SORCS2: variants seen among roughly 807,000 people sequenced by gnomAD.
SORCS2 encodes the protein VPS10 domain-containing receptor SorCS2.
SORCS2 carries 100 observed loss-of-function variants against 141.6 expected under a neutral mutation model. That is an observed-to-expected ratio of 0.71 (90% CI 0.60 to 0.83). The LOEUF (loss-of-function observed/expected upper bound fraction) is 0.83, where lower values mean the gene tolerates loss of function less well. Ranked by LOEUF, SORCS2 falls within the 40% of genes least tolerant of loss-of-function variation. The pLI is 0.00. For synonymous variants in SORCS2, 789 were observed against 676.9 expected, an observed-to-expected ratio of 1.17 and a Z score of -2.57; for missense variants, 1,646 against 1,560.2, an observed-to-expected ratio of 1.05 and a Z score of -0.93.
chr4:7,705,590 C>G (rs932943889), intron 14 of SORCS2, among the ~76,000 whole-genome samples: 1 of 152,354 alleles, frequency 6.6e-6, no homozygotes, highest in East Asian at 1.9e-4. Context: ...GGGCACTGTG[C>G]CCCTCACCCT....
chr4:7,316,569 C>G (rs560374788), intron 1 of SORCS2, among the ~76,000 whole-genome samples: 1 of 152,326 alleles, frequency 6.6e-6, no homozygotes, highest in East Asian at 1.9e-4. Flanking sequence ...GACAAGTTAT[C>G]TGACCTTCCC....
At chr4:7,662,215 T>TCCCCACCCTCCCCCCCCTC (rs1441054153) in intron 6 of SORCS2, among the ~76,000 whole-genome samples, 8 of 128,098 alleles carry the variant, frequency 6.2e-5, no homozygotes, top group African/African-American at 2.4e-4. Context: ...TAGGTGTGGC[T>TCCCCACCCTCCCCCCCCTC]CCCCACCCTC....
intron 2 of SORCS2, among the ~76,000 whole-genome samples, chr4:7,399,095 C>G (rs982041079): frequency 6.6e-6 from 1 of 152,122 alleles, no homozygotes; most frequent in Non-Finnish European, 1.5e-5. Context: ...TAAGGAGGAA[C>G]AGTTTTCTGT....
chr4:7,424,918 T>A (rs574977523), intron 2 of SORCS2, among the ~76,000 whole-genome samples: 1 of 152,192 alleles, frequency 6.6e-6, no homozygotes, highest in African/African-American at 2.4e-5. Flanking sequence ...GGGCAGGCAC[T>A]CTGCTCCCAG....
intron 3 of SORCS2, among the ~76,000 whole-genome samples, chr4:7,620,435 G>C (rs1043098710): frequency 6.6e-6 from 1 of 152,188 alleles, no homozygotes; most frequent in African/African-American, 2.4e-5. Flanking sequence ...TACAGCCCTG[G>C]CCATTCACCC....
chr4:7,652,983 C>A (rs1225358136), intron 4 of SORCS2, among the ~76,000 whole-genome samples: 2 of 152,098 alleles, frequency 1.3e-5, no homozygotes, highest in East Asian at 3.9e-4. Flanking sequence ...CCCTGGCCCA[C>A]AGGGACACCC....
chr4:7,270,201 C>G (rs761703543), intron 1 of SORCS2, among the ~76,000 whole-genome samples: 11 of 152,250 alleles, frequency 7.2e-5, no homozygotes, highest in Non-Finnish European at 1.5e-4. Flanking sequence ...AAATCTCATC[C>G]AGAGGCATAT....
chr4:7,382,099 T>C, intron 1 of SORCS2: 3 of 534,612 alleles, frequency 5.6e-6, no homozygotes, highest in Non-Finnish European at 7.2e-6. Context: ...AGAAGGACCT[T>C]GAAGGGTGGG....
chr4:7,338,198 G>T (rs1231727528), intron 1 of SORCS2, among the ~76,000 whole-genome samples: 1 of 151,104 alleles, frequency 6.6e-6, no homozygotes, highest in African/African-American at 2.4e-5. Flanking sequence ...ATGTTGGATG[G>T]ATGTTGGTTG....
intron 5 of SORCS2, among the ~76,000 whole-genome samples, chr4:7,654,676 A>G (rs1324512997): frequency 6.6e-6 from 1 of 152,044 alleles, no homozygotes; most frequent in Admixed American, 6.5e-5. Context: ...GGCCTGCCTC[A>G]GCCCTGCTCT....
intron 2 of SORCS2, among the ~76,000 whole-genome samples, chr4:7,397,366 C>A (rs1263052057): frequency 6.6e-6 from 1 of 152,092 alleles, no homozygotes; most frequent in Non-Finnish European, 1.5e-5. Flanking sequence ...GTCATCTGTG[C>A]TGCTAAATGA....
At chr4:7,505,569 G>C (rs997447925) in intron 2 of SORCS2, among the ~76,000 whole-genome samples, 4 of 152,164 alleles carry the variant, frequency 2.6e-5, no homozygotes, top group African/African-American at 7.2e-5. Flanking sequence ...GCATAATAGT[G>C]ATATTGATGC....
At chr4:7,311,445 G>A (rs1229800373) in intron 1 of SORCS2, among the ~76,000 whole-genome samples, 1 of 152,200 alleles carries the variant, frequency 6.6e-6, no homozygotes, top group Non-Finnish European at 1.5e-5. Context: ...GGAGTGGAAT[G>A]GCTGAATCAT....
rs377162338 is a variant in SORCS2 at position 7,733,433 on chromosome 4, G to A, written c.3208+12G>A. The A allele has an allele frequency of 6.4e-7, 1 of 1,569,616 alleles. No homozygotes were observed. Among genetic ancestry groups the A allele is most frequent in the Non-Finnish European group, 8.6e-7 (1 of 1,157,052 alleles). On this transcript the variant is annotated intron_variant, in intron 24 of 26. Transcript: ENST00000507866. Reference sequence around the variant, plus strand: ...GGACACAGGCACAGGTGAGCCACTGGGAGCTCCCCTGCGGAATGGGTGGAG... The same window carrying A: ...GGACACAGGCACAGGTGAGCCACTGAGAGCTCCCCTGCGGAATGGGTGGAG...
At chr4:7,417,169 G>C (rs1004439431) in intron 2 of SORCS2, among the ~76,000 whole-genome samples, 1 of 152,196 alleles carries the variant, frequency 6.6e-6, no homozygotes, top group African/African-American at 2.4e-5. Context: ...CCATAAACCT[G>C]TTTACAGGGC....
At chr4:7,481,672 T>C (rs993608565) in intron 2 of SORCS2, among the ~76,000 whole-genome samples, 3 of 151,832 alleles carry the variant, frequency 2.0e-5, no homozygotes, top group African/African-American at 4.8e-5. Flanking sequence ...CCTGGAGCCG[T>C]AGGGAAGGGT....
chr4:7,428,004 G>T (rs919653420), intron 2 of SORCS2, among the ~76,000 whole-genome samples: 2 of 152,136 alleles, frequency 1.3e-5, no homozygotes, highest in African/African-American at 4.8e-5. Flanking sequence ...CGCTCACCTG[G>T]GGTCTGCTCT....
intron 1 of SORCS2, among the ~76,000 whole-genome samples, chr4:7,309,095 G>A (rs1385454333): frequency 6.6e-6 from 1 of 152,198 alleles, no homozygotes; most frequent in Non-Finnish European, 1.5e-5. Context: ...AGGCGGGCTG[G>A]GAGCCCCTTG....
At chr4:7,256,555 G>C (rs1183199804) in intron 1 of SORCS2, among the ~76,000 whole-genome samples, 1 of 151,720 alleles carries the variant, frequency 6.6e-6, no homozygotes, top group Non-Finnish European at 1.5e-5. Context: ...CAAATGCAAA[G>C]GCCCTTGCTA....
Sources: gnomAD v4.1 joint callset for allele counts (sites outside exome capture counted in the v4.1 genomes callset) on GRCh38, gnomAD v4.1.1 for gene constraint, MANE v1.5 for transcripts, NCBI Gene and HGNC (gene_info 2026-07-23, HGNC 2026-07-21) for gene names.